The following LIN37 variants were observed in gnomAD, a reference collection of about 807,000 sequenced individuals.
LIN37 encodes protein lin-37 homolog.
In LIN37, 21 loss-of-function variants were observed where a neutral mutation model predicts 38.0. The observed-to-expected ratio is 0.55, with a 90% CI of 0.39 to 0.80. The LOEUF is 0.80. Ranked by LOEUF, LIN37 falls within the 30% of genes least tolerant of loss-of-function variation. LIN37 has a pLI of 0.00. For missense variants in LIN37, 273 were observed against 338.5 expected, an observed-to-expected ratio of 0.81 and a Z score of 1.52; for synonymous variants, 126 against 122.9, an observed-to-expected ratio of 1.03 and a Z score of -0.17.
Position 35,754,082 on chromosome 19 carries a change from G to A in LIN37, c.510G>A (p.Gly170=), listed in dbSNP as rs1160560013. The A allele has an allele frequency of 3.1e-6, 5 of 1,613,924 alleles. No individual in the cohort carries two copies. Among genetic ancestry groups the A allele is most frequent in the East Asian group, 2.2e-5 (1 of 44,884 alleles). Residue 170 remains glycine, a synonymous_variant, in exon 7 of 9, where the codon GGG becomes GGA. Coordinates refer to ENST00000301159, the MANE Select transcript of LIN37 (RefSeq NM_019104.3). ...VYKLPPPTPP[G]PPGDACRSRI... The stretch of plus-strand genomic sequence containing the variant: ...AGCTGCCGCCACCCACACCCCCGGG[G>A]CCACCCGGAGATGCCTGCAGATCCC...
At chr19:35,750,257 G>T (rs938820691) in intron 1 of LIN37, among the ~76,000 whole-genome samples, 1 of 152,124 alleles carries the variant, frequency 6.6e-6, no homozygotes, top group African/African-American at 2.4e-5. Flanking sequence ...GCCCAAGTCG[G>T]GGGTTCAGGA....
intron 1 of LIN37, chr19:35,749,137 C>T (rs2146524119): frequency 2.8e-6 from 1 of 357,458 alleles, no homozygotes; most frequent in East Asian, 1.4e-4. Flanking sequence ...AAGCGATCCT[C>T]CCGCCTTAGC....
At position 35,752,255 on chromosome 19, in the gene LIN37, G is replaced by C; in HGVS notation, c.110+4G>C. ...TGGAGAAGAGTCACATGGACAGGTA[G>C]GCCAGCGTGGGGTCACAGGGCCGGG... On this transcript the variant is annotated splice_donor_region_variant and intron_variant, in intron 2 of 8. Coordinates refer to ENST00000301159, the MANE Select transcript of LIN37 (RefSeq NM_019104.3). 6.2e-7 allele frequency: 1 copy of C among 1,603,560 alleles called. No homozygotes were observed. The highest frequency in any genetic ancestry group is 8.5e-7 in the Non-Finnish European group (1 of 1,175,060).
chr19:35,748,768 C>T lies in LIN37; in HGVS notation c.34+10C>T, dbSNP rs990340208. ...AAAGTGGAGAAATCAGGTGAGGACC[C>T]TGACGTCGGGGGCCTGTCGGGACCA... On this transcript the variant is annotated intron_variant, in intron 1 of 8. Transcript: ENST00000301159. 5 of 1,613,892 alleles carry T rather than the reference C, an allele frequency of 3.1e-6. No individual in the cohort carries two copies. In the Admixed American group the frequency reaches 8.3e-5, roughly 27 times the overall value.
At chr19:35,754,219 C>T in intron 7 of LIN37, 27 bp from the exon 8 acceptor site, 9 of 1,613,996 alleles carry the variant, frequency 5.6e-6, no homozygotes, top group South Asian at 1.1e-5. Context: ...GGAATGGCCA[C>T]TCAACCTGGC....
chr19:35,752,522 T>C, intron 3 of LIN37, 38 bp downstream of exon 3: 3 of 1,608,278 alleles, frequency 1.9e-6, no homozygotes, highest in Non-Finnish European at 1.7e-6. Flanking sequence ...TGAGAGTTCG[T>C]GGTTGGTAAC....
chr19:35,752,477 C>T lies in LIN37; in HGVS notation c.154C>T (p.His52Tyr). Reference protein sequence around the residue: ...EEAGKTPSDTHNKDCSIAATG... With the variant: ...EEAGKTPSDTYNKDCSIAATG... ...AGCTGGGAAAACACCCTCAGACACC[C>T]ACAATAAGTGAGTTTTTCTGATTGG... The change falls in exon 3 of 9, where the codon CAC (histidine) becomes TAC (tyrosine). Residue 52 changes from histidine (H) to tyrosine (Y), a missense_variant. By Grantham distance (83) the His-to-Tyr change is moderately conservative (BLOSUM62 2). Transcript: ENST00000301159. The T allele has an allele frequency of 6.2e-7, 1 of 1,613,938 alleles. No homozygotes were observed. Among genetic ancestry groups the T allele is most frequent in the Non-Finnish European group, 8.5e-7 (1 of 1,179,828 alleles).
chr19:35,753,222 C>T lies in LIN37; in HGVS notation c.413C>T (p.Ser138Leu). The T allele has an allele frequency of 6.4e-7, 1 of 1,556,918 alleles. No homozygotes were observed. The highest frequency in any genetic ancestry group is 8.7e-7 in the Non-Finnish European group (1 of 1,150,974). Residue 138 changes from serine (S) to leucine (L), a missense_variant, in exon 6 of 9, where the codon TCA (serine) becomes TTA (leucine). Coordinates refer to ENST00000301159, the MANE Select transcript of LIN37 (RefSeq NM_019104.3). ...SVRERECSPS[S>L]PLPPLPEDEE... ...CGCGAGCGTGAATGCTCTCCCAGCT[C>T]ACCCCTGCCCCCGCTGCCTGAGGAT...
At chr19:35,752,550 C>T (rs1970692784) in intron 3 of LIN37, 66 bp downstream of exon 3, 1 of 1,538,790 alleles carries the variant, frequency 6.5e-7, no homozygotes, top group South Asian at 1.1e-5. Context: ...CTTATCCAAG[C>T]CCTGACCGCT....
At chr19:35,750,197 C>T (rs912627173) in intron 1 of LIN37, among the ~76,000 whole-genome samples, 15 of 151,918 alleles carry the variant, frequency 9.9e-5, no homozygotes, top group African/African-American at 3.1e-4. Context: ...TGGTGAGGTA[C>T]AGGGAGGGAC....
chr19:35,749,838 A>G (rs1196796929), intron 1 of LIN37, among the ~76,000 whole-genome samples: 1 of 151,616 alleles, frequency 6.6e-6, no homozygotes, highest in African/African-American at 2.4e-5. Flanking sequence ...AAGAAAAGAA[A>G]GAAAGAAAAG....
intron 3 of LIN37, 116 bp downstream of exon 3, chr19:35,752,600 C>A: frequency 7.8e-7 from 1 of 1,284,786 alleles, no homozygotes. Context: ...GACCACTCCA[C>A]CTGTACAAAG....
chr19:35,751,315 C>T (rs1369278830), intron 1 of LIN37, among the ~76,000 whole-genome samples: 3 of 152,236 alleles, frequency 2.0e-5, no homozygotes, highest in African/African-American at 7.2e-5. Context: ...AGCAAGACTC[C>T]GTCTCACAAA....
At chr19:35,752,650 C>T in intron 3 of LIN37, 154 bp from the exon 4 acceptor site, 2 of 1,283,986 alleles carry the variant, frequency 1.6e-6, no homozygotes, top group Non-Finnish European at 1.1e-6. Flanking sequence ...CCGTGGTTGC[C>T]ACCTAGACCC....
chr19:35,749,559 C>G (rs1292665684), intron 1 of LIN37, among the ~76,000 whole-genome samples: 1 of 150,852 alleles, frequency 6.6e-6, no homozygotes, highest in Admixed American at 6.6e-5. Context: ...TTTGGGAGGC[C>G]GAGGCTGGCA....
At chr19:35,753,355 A>C (rs923332931) in intron 6 of LIN37, 102 bp downstream of exon 6, 2 of 1,341,142 alleles carry the variant, frequency 1.5e-6, no homozygotes, top group Non-Finnish European at 2.1e-6. Context: ...AGACAGACAC[A>C]GGTCCCTCAC....
At chr19:35,751,221 T>G (rs1206069861) in intron 1 of LIN37, among the ~76,000 whole-genome samples, 1 of 151,944 alleles carries the variant, frequency 6.6e-6, no homozygotes, top group Non-Finnish European at 1.5e-5. Context: ...TTTGGGAGGC[T>G]GAGGCAGGAG....
At chr19:35,752,322 TGGG>T in intron 2 of LIN37, 71 bp downstream of exon 2, 1 of 1,575,842 alleles carries the variant, frequency 6.3e-7, no homozygotes. Context: ...GTGGATTGGG[TGGG>T]ACCCCACAGG....
chr19:35,753,027 G>A (rs760312734), intron 5 of LIN37, 28 bp downstream of exon 5: 70 of 1,572,248 alleles, frequency 4.5e-5, no homozygotes, highest in Admixed American at 7.3e-5. Flanking sequence ...CTAGAGGGTC[G>A]GTAAGGAGCC....
Sources: gnomAD v4.1 joint callset for allele counts (sites outside exome capture counted in the v4.1 genomes callset) on GRCh38, gnomAD v4.1.1 for gene constraint, MANE v1.5 for transcripts, NCBI Gene and HGNC (gene_info 2026-07-23, HGNC 2026-07-21) for gene names.